Variants in MIPEP observed in about 807,000 individuals in gnomAD.
MIPEP encodes the protein mitochondrial intermediate peptidase.
A neutral mutation model predicts 90.3 loss-of-function variants in MIPEP; 79 were observed. That is an observed-to-expected ratio of 0.87 (90% CI 0.73 to 1.05). The LOEUF is 1.05. Ranked by LOEUF, MIPEP falls within the 50% of genes least tolerant of loss-of-function variation. The pLI is 0.00. For missense variants in MIPEP, 940 were observed against 905.6 expected (o/e 1.04, Z -0.49); for synonymous variants, 334 against 315.8 (o/e 1.06, Z -0.61).
chr13:23,818,351 G>A (rs1342019274), intron 14 of MIPEP, among the ~76,000 whole-genome samples: 3 of 152,100 alleles, frequency 2.0e-5, no homozygotes, highest in Non-Finnish European at 4.4e-5. Context: ...ACGCGAATGC[G>A]GGAGGTAGAG....
intron 7 of MIPEP, among the ~76,000 whole-genome samples, chr13:23,864,461 G>A (rs1405146921): frequency 6.6e-6 from 1 of 152,140 alleles, no homozygotes; most frequent in Non-Finnish European, 1.5e-5. Flanking sequence ...ATGGGACCAG[G>A]TGGCTCATGC....
rs368642102 is a variant in MIPEP, at chr13:23,836,359, GA to G, written c.1544-11del. ...GTAGGGCACCTGGTCCCTAAAACAA[GA>G]AAAAAAAAAAAGTTGGCATGAATCA... On this transcript the variant is annotated splice_polypyrimidine_tract_variant and intron_variant, in intron 13 of 18. Coordinates refer to ENST00000382172, the MANE Select transcript of MIPEP (RefSeq NM_005932.4). 0.064 allele frequency: 66,827 copies of G among 1,045,722 alleles called. 3 individuals are homozygous for G. Among genetic ancestry groups the G allele is most frequent in the South Asian group, 0.096 (4,991 of 51,940 alleles). The allele number at this position is 1,045,722 out of a possible 1,614,324, so 64.8% of individuals were successfully genotyped here. A position where few individuals can be genotyped will look rare whatever the true frequency, so the allele number is the denominator to read the frequency against.
intron 17 of MIPEP, among the ~76,000 whole-genome samples, chr13:23,758,940 CG>C (rs1215601704): frequency 1.3e-5 from 2 of 152,156 alleles, no homozygotes; most frequent in Admixed American, 1.3e-4. Context: ...TCTTATAAAA[CG>C]TGCTGGTTTC....
intron 16 of MIPEP, among the ~76,000 whole-genome samples, chr13:23,803,327 C>A (rs541845898): frequency 1.3e-5 from 2 of 152,110 alleles, no homozygotes; most frequent in Non-Finnish European, 2.9e-5. Flanking sequence ...TGCGCCACTG[C>A]ACTCCAGACT....
At position 23,825,354 on chromosome 13, in the gene MIPEP, C is replaced by T. The variant is rs537059672; in HGVS notation, c.1653+10886G>A. ...TTTCACATCTCTTGAAAGAGGATGA[C>T]AGGAGAAGATTTATTACAAGTATGT... On this transcript the variant is annotated intron_variant, in intron 14 of 18. Transcript: ENST00000382172. Among the ~76,000 whole-genome samples, 70 of 152,308 alleles carry T rather than the reference C, an allele frequency of 4.6e-4. 2 individuals are homozygous for T. In the South Asian group the frequency reaches 0.013, roughly 28 times the overall value.
intron 18 of MIPEP, 48 bp downstream of exon 18, chr13:23,756,497 C>T: frequency 6.4e-7 from 1 of 1,565,348 alleles, no homozygotes; most frequent in Non-Finnish European, 8.8e-7. Context: ...ATGGAGAAAA[C>T]ATAAATCAGC....
chr13:23,755,493 T>C (rs1182093393), intron 18 of MIPEP, among the ~76,000 whole-genome samples: 1 of 152,230 alleles, frequency 6.6e-6, no homozygotes, highest in Non-Finnish European at 1.5e-5. Context: ...ACTCAATTAC[T>C]ACAATGAAAA....
chr13:23,780,997 C>T (rs527907608), intron 16 of MIPEP, among the ~76,000 whole-genome samples: 17 of 152,200 alleles, frequency 1.1e-4, no homozygotes, highest in African/African-American at 1.9e-4. Context: ...CTGAAAGTGA[C>T]GGGGAGAATG....
rs148848881 is a variant in MIPEP, at chr13:23,886,387, C to A, written c.309G>T (p.Gln103His). 52 of 1,607,942 alleles carry A rather than the reference C, an allele frequency of 3.2e-5. No homozygotes were observed. In the East Asian group the frequency reaches 5.0e-4, roughly 15 times the overall value. Residue 103 changes from glutamine (Q) to histidine (H), a missense_variant, in exon 2 of 19, where the codon CAG (glutamine) becomes CAT (histidine). Transcript: ENST00000382172. ...DRACSTPPGP[Q>H]TVLIFDELSD... is the part of the protein sequence containing the mutation. ...AGAGCTCATCGAAGATCAGCACGGT[C>A]TGGGGCCCAGGTGGGGTGGAACATG...
intron 16 of MIPEP, among the ~76,000 whole-genome samples, chr13:23,803,364 A>AAACAAC (rs556587564): frequency 7.9e-5 from 12 of 151,960 alleles, no homozygotes; most frequent in Admixed American, 1.3e-4. Flanking sequence ...CTCCATCTCA[A>AAACAAC]AACAACAACA....
intron 14 of MIPEP, among the ~76,000 whole-genome samples, chr13:23,826,140 A>T (rs1022126075): frequency 1.3e-5 from 2 of 152,184 alleles, no homozygotes; most frequent in Non-Finnish European, 2.9e-5. Context: ...GGAATTGTTC[A>T]TCGGGGAAAC....
chr13:23,756,676 T>C, intron 17 of MIPEP, 58 bp from the exon 18 acceptor site: 1 of 1,529,712 alleles, frequency 6.5e-7, no homozygotes, highest in Non-Finnish European at 9.0e-7. Context: ...TTCACACTTG[T>C]CTTGAATTCT....
chr13:23,790,589 A>AG (rs5802253), intron 16 of MIPEP, among the ~76,000 whole-genome samples: 23 of 151,750 alleles, frequency 1.5e-4, no homozygotes, highest in African/African-American at 5.6e-4. Flanking sequence ...AAGTAGAAGG[A>AG]GGGGGAGGCA....
intron 18 of MIPEP, 136 bp downstream of exon 18, chr13:23,756,409 G>C: frequency 1.2e-6 from 1 of 849,128 alleles, no homozygotes; most frequent in South Asian, 1.5e-5. Context: ...CCCTCCTTGG[G>C]GCCTCCCAAA....
intron 18 of MIPEP, among the ~76,000 whole-genome samples, chr13:23,737,945 T>C (rs1952282795): frequency 6.6e-6 from 1 of 152,220 alleles, no homozygotes; most frequent in African/African-American, 2.4e-5. Flanking sequence ...CTATTTTATA[T>C]ATTGCTTGAC....
At chr13:23,873,266 G>A (rs906409553) in intron 5 of MIPEP, among the ~76,000 whole-genome samples, 10 of 152,330 alleles carry the variant, frequency 6.6e-5, no homozygotes, top group South Asian at 2.1e-4. Context: ...GCACAGCCAC[G>A]AGTGTGAGCT....
chr13:23,778,612 C>T (rs564079870), intron 16 of MIPEP, among the ~76,000 whole-genome samples: 1 of 152,188 alleles, frequency 6.6e-6, no homozygotes, highest in African/African-American at 2.4e-5. Context: ...TTGACACATC[C>T]TATGTGCAAC....
chr13:23,814,157 C>T (rs1164994774), intron 14 of MIPEP, among the ~76,000 whole-genome samples: 2 of 152,210 alleles, frequency 1.3e-5, no homozygotes, highest in African/African-American at 4.8e-5. Flanking sequence ...ATTTCCAAGG[C>T]AGAAAATACT....
chr13:23,794,801 C>T (rs949895515), intron 16 of MIPEP, among the ~76,000 whole-genome samples: 6 of 152,118 alleles, frequency 3.9e-5, no homozygotes, highest in Non-Finnish European at 5.9e-5. Context: ...TCTAGAGTTG[C>T]AGCTGTCCCA....
Sources: allele counts gnomAD v4.1 joint callset (sites outside exome capture counted in the v4.1 genomes callset), GRCh38; gene constraint gnomAD v4.1.1; transcripts MANE v1.5; gene names NCBI Gene and HGNC (gene_info 2026-07-23, HGNC 2026-07-21).